The following IQSEC1 variants were observed in gnomAD, a reference collection of about 807,000 sequenced individuals.
The protein encoded by IQSEC1 is IQ motif and SEC7 domain-containing protein 1.
In IQSEC1, 31 loss-of-function variants were observed where a neutral mutation model predicts 91.0. The observed-to-expected ratio is 0.34, with a 90% CI of 0.26 to 0.46. The LOEUF is 0.46. Ranked by LOEUF, IQSEC1 falls within the 20% of genes least tolerant of loss-of-function variation. The pLI, the probability that IQSEC1 is intolerant of heterozygous loss-of-function variation, is 1.00. For synonymous variants in IQSEC1, 699 were observed against 662.6 expected, an observed-to-expected ratio of 1.05 and a Z score of -0.84; for missense variants, 1,388 against 1,575.6, an observed-to-expected ratio of 0.88 and a Z score of 2.02.
chr3:12,977,740 C>T (rs1701256612), intron 1 of IQSEC1, among the ~76,000 whole-genome samples: 1 of 152,220 alleles, frequency 6.6e-6, no homozygotes, highest in Admixed American at 6.5e-5. Flanking sequence ...AAATGGATGC[C>T]ATTAAGTGCT....
intron 1 of IQSEC1, among the ~76,000 whole-genome samples, chr3:13,261,549 A>G (rs991462229): frequency 1.8e-4 from 27 of 152,084 alleles, no homozygotes; most frequent in African/African-American, 6.3e-4. Flanking sequence ...CAAAGCCCCA[A>G]GTCTCCAGAA....
chr3:13,168,959 C>T lies in IQSEC1; in HGVS notation c.273-4826G>A, dbSNP rs907262868. On this transcript the variant is annotated intron_variant, in intron 1 of 15. Coordinates refer to the IQSEC1 transcript ENST00000648114. ...TTATTGTCTGTCTTTCCTAATAGAA[C>T]GTCAGCTCCATGAGAGGAGGTACTG... Among the ~76,000 whole-genome samples the T allele has an allele frequency of 1.1e-4, 17 of 152,322 alleles. 1 individual carries two copies. The South Asian group carries it at 2.3e-3, about 20-fold the overall frequency.
At position 13,170,825 on chromosome 3, in the gene IQSEC1, C is replaced by T. The variant is rs368491743; in HGVS notation, c.273-6692G>A. ...AGTCTTTAGAAAGCCTTGTGCTAGG[C>T]GCGGTGGCTCACGCCTGTAATCCCA... is the stretch of plus-strand genomic sequence containing the variant. On this transcript the variant is annotated intron_variant, in intron 1 of 15. Transcript: ENST00000648114. 2.6e-3 allele frequency among the ~76,000 whole-genome samples: 396 copies of T among 152,262 alleles called. 5 individuals carry two copies. Among genetic ancestry groups the T allele is most frequent in the African/African-American group, 8.2e-3 (339 of 41,536 alleles).
At chr3:13,199,000 T>C (rs1310225332) in intron 1 of IQSEC1, among the ~76,000 whole-genome samples, 1 of 152,202 alleles carries the variant, frequency 6.6e-6, no homozygotes, top group African/African-American at 2.4e-5. Flanking sequence ...CCAAGCTCTC[T>C]GTAATGTTTT....
intron 2 of IQSEC1, among the ~76,000 whole-genome samples, chr3:13,095,292 T>C (rs969144444): frequency 6.6e-6 from 1 of 151,964 alleles, no homozygotes. Context: ...TCCCAGGGCA[T>C]CTCTGAGGAA....
At chr3:12,942,844 G>A (rs902823715) in intron 1 of IQSEC1, among the ~76,000 whole-genome samples, 9 of 152,186 alleles carry the variant, frequency 5.9e-5, no homozygotes, top group East Asian at 1.9e-4. Context: ...GGCCACGGAC[G>A]CGCACAGAGG....
intron 1 of IQSEC1, among the ~76,000 whole-genome samples, chr3:13,230,434 T>A (rs778146307): frequency 6.6e-6 from 1 of 152,224 alleles, no homozygotes; most frequent in Non-Finnish European, 1.5e-5. Context: ...CTCAAAACAC[T>A]CATCATAAGC....
chr3:12,923,469 C>T (rs1195471329), intron 4 of IQSEC1, among the ~76,000 whole-genome samples: 1 of 152,214 alleles, frequency 6.6e-6, no homozygotes, highest in East Asian at 1.9e-4. Flanking sequence ...GATGCCCAGC[C>T]TGTGCATGCT....
At chr3:13,247,277 A>C (rs1234564412) in intron 1 of IQSEC1, among the ~76,000 whole-genome samples, 1 of 152,154 alleles carries the variant, frequency 6.6e-6, no homozygotes, top group Non-Finnish European at 1.5e-5. Context: ...CACCCCCAGG[A>C]CGTGCTGGGA....
At chr3:12,905,445 G>A (rs774342750) in intron 12 of IQSEC1, among the ~76,000 whole-genome samples, 34 of 152,238 alleles carry the variant, frequency 2.2e-4, no homozygotes, top group African/African-American at 3.9e-4. Context: ...CTCGGCCGGC[G>A]CTGCCTGAGC....
chr3:13,151,830 G>A (rs574158517), intron 2 of IQSEC1, among the ~76,000 whole-genome samples: 25 of 152,296 alleles, frequency 1.6e-4, no homozygotes, highest in African/African-American at 5.8e-4. Context: ...GCTGGGTATG[G>A]TGGCAGGTGC....
chr3:13,082,424 G>A (rs1705660395), intron 2 of IQSEC1, among the ~76,000 whole-genome samples: 4 of 152,222 alleles, frequency 2.6e-5, no homozygotes, highest in African/African-American at 9.7e-5. Context: ...CCGCTACAAT[G>A]GCTGGGGTGC....
At chr3:13,054,924 C>T (rs552399292) in intron 1 of IQSEC1, among the ~76,000 whole-genome samples, 100 of 152,332 alleles carry the variant, frequency 6.6e-4, no homozygotes, top group African/African-American at 1.6e-3. Context: ...CAGCGAGGCT[C>T]CCAGAAGCTG....
Position 13,138,374 on chromosome 3 carries a change from G to T in IQSEC1, c.302+25730C>A, listed in dbSNP as rs187995847. 2.2e-4 allele frequency among the ~76,000 whole-genome samples: 33 copies of T among 151,860 alleles called. No individual in the cohort carries two copies. The East Asian group carries it at 5.4e-3, about 25-fold the overall frequency. Reference sequence around the variant, plus strand: ...TGTCTCGGTGCCTCCCGAGAGGAGCGGCTGGCCTTGGAACCCCACCTGGGC... The same window carrying T: ...TGTCTCGGTGCCTCCCGAGAGGAGCTGCTGGCCTTGGAACCCCACCTGGGC... On this transcript the variant is annotated intron_variant, in intron 2 of 15. Transcript: ENST00000648114.
chr3:13,211,926 C>T lies in IQSEC1; in HGVS notation c.273-47793G>A, dbSNP rs527573156. On this transcript the variant is annotated intron_variant, in intron 1 of 15. Coordinates refer to the IQSEC1 transcript ENST00000648114. The surrounding 1 kb of genome is among the most constrained non-coding windows in gnomAD (Gnocchi z 5.3). ...CCGTGGCCAGAGGACCCGAAACCCC[C>T]ACGGCCCTGTGTTTTTGAGCCCCTG... 1.2e-4 allele frequency among the ~76,000 whole-genome samples: 19 copies of T among 152,338 alleles called. No homozygotes were observed. Among genetic ancestry groups the T allele is most frequent in the African/African-American group, 4.3e-4 (18 of 41,576 alleles).
intron 1 of IQSEC1, among the ~76,000 whole-genome samples, chr3:12,977,707 A>G (rs549389243): frequency 3.6e-4 from 55 of 152,376 alleles, no homozygotes; most frequent in African/African-American, 1.3e-3. Context: ...ATTTATAATA[A>G]GTGCTGGGTT....
intron 12 of IQSEC1, among the ~76,000 whole-genome samples, chr3:12,903,551 C>A (rs184730204): frequency 6.6e-6 from 1 of 152,252 alleles, no homozygotes; most frequent in Non-Finnish European, 1.5e-5. Context: ...ATCTTCGTCA[C>A]GCCCCAGCGC....
chr3:12,988,543 G>T (rs1240153132), intron 1 of IQSEC1, among the ~76,000 whole-genome samples: 2 of 152,196 alleles, frequency 1.3e-5, no homozygotes, highest in Non-Finnish European at 2.9e-5. Flanking sequence ...AATATCCACA[G>T]CCTGTTTATA....
intron 1 of IQSEC1, chr3:13,021,884 T>A (rs964205815): frequency 6.6e-6 from 3 of 451,432 alleles, no homozygotes; most frequent in South Asian, 1.2e-4. Flanking sequence ...CTGGTCATTG[T>A]TCCACTCTCC....
Sources: allele counts gnomAD v4.1 joint callset (sites outside exome capture counted in the v4.1 genomes callset), GRCh38; gene constraint gnomAD v4.1.1; non-coding constraint Gnocchi (gnomAD v3.1); transcripts MANE v1.5; gene names NCBI Gene and HGNC (gene_info 2026-07-23, HGNC 2026-07-21).